Variants in KLHL8 observed in about 807,000 individuals in gnomAD.
KLHL8 encodes the protein kelch like family member 8, also known as kelch-like protein 8.
Under a neutral mutation model 63.5 loss-of-function variants are expected in KLHL8, and 38 were observed. That is an observed-to-expected ratio of 0.60 (90% CI 0.46 to 0.78). The LOEUF is 0.78. KLHL8 is among the 30% of genes least tolerant of loss of function. KLHL8 has a pLI of 0.00. For synonymous variants in KLHL8, 224 were observed against 254.3 expected, an observed-to-expected ratio of 0.88 and a Z score of 1.13; for missense variants, 566 against 752.4, an observed-to-expected ratio of 0.75 and a Z score of 2.90.
chr4:87,163,416 A>T lies in KLHL8; in HGVS notation c.*103T>A. The T allele has an allele frequency of 8.8e-7, 1 of 1,136,508 alleles. No individual in the cohort carries two copies. The highest frequency in any genetic ancestry group is 1.3e-6 in the Non-Finnish European group (1 of 791,810). The allele number at this position is 1,136,508 out of a possible 1,614,324, so 70.4% of individuals were successfully genotyped here. On this transcript the variant is annotated 3_prime_UTR_variant, in exon 10 of 10. Transcript: ENST00000273963. ...ATACAACAGTTAACATTTAAATAAG[A>T]CTCTAGTTGCAGTAAAAAGTGTTGA...
At chr4:87,172,293 G>A (rs1730664795) in intron 6 of KLHL8, among the ~76,000 whole-genome samples, 1 of 152,134 alleles carries the variant, frequency 6.6e-6, no homozygotes, top group Admixed American at 6.6e-5. Context: ...ACAAGGAACT[G>A]AATTCTATCA....
chr4:87,164,984 T>TAA (rs577999761), intron 8 of KLHL8, among the ~76,000 whole-genome samples: 1 of 151,558 alleles, frequency 6.6e-6, no homozygotes, highest in Non-Finnish European at 1.5e-5. Context: ...CCGTCTCTAC[T>TAA]AAAAATACAA....
intron 4 of KLHL8, among the ~76,000 whole-genome samples, chr4:87,179,438 T>C (rs988659782): frequency 6.6e-6 from 1 of 152,188 alleles, no homozygotes; most frequent in Non-Finnish European, 1.5e-5. Flanking sequence ...ACACCAGTAC[T>C]TCTCAAAAAC....
chr4:87,173,279 T>A (rs1697082557), intron 6 of KLHL8, among the ~76,000 whole-genome samples: 2 of 152,246 alleles, frequency 1.3e-5, no homozygotes, highest in African/African-American at 4.8e-5. Flanking sequence ...ATTGCCCTTA[T>A]GTCATTATTT....
At position 87,164,537 on chromosome 4, in the gene KLHL8, A is replaced by G. The variant is rs141532980; in HGVS notation, c.1538-458T>C. Among the ~76,000 whole-genome samples, 801 of 152,332 alleles carry G rather than the reference A, an allele frequency of 5.3e-3. 9 individuals are homozygous for G. Among genetic ancestry groups the G allele is most frequent in the African/African-American group, 0.018 (764 of 41,580 alleles). On this transcript the variant is annotated intron_variant, in intron 8 of 9. Transcript: ENST00000273963. ...TCCAGATAAAAGTTAAAGTTTTCCA[A>G]TTGTTTCCCTTAATACTATAATCGC...
chr4:87,226,748 A>T (rs368012586), intron 1 of KLHL8, among the ~76,000 whole-genome samples: 298 of 10,274 alleles, frequency 0.029, 32 homozygotes, highest in African/African-American at 0.034. Flanking sequence ...TTTATATATA[A>T]TATATATTAT....
At chr4:87,208,979 T>C (rs934378331) in intron 1 of KLHL8, among the ~76,000 whole-genome samples, 1 of 152,196 alleles carries the variant, frequency 6.6e-6, no homozygotes, top group African/African-American at 2.4e-5. Context: ...TAAAATGGTC[T>C]GTTTAAATAA....
At position 87,195,427 on chromosome 4, in the gene KLHL8, C is replaced by T; in HGVS notation, c.113G>A (p.Gly38Glu). ...TGCTTCAAAAATAAAGGAATCTTCT[C>T]CATCACCATCACTAATTGAGGATCT... ...KNRSSISDGDGEDSFIFEANE... is the reference protein window; with the variant it reads ...KNRSSISDGDEEDSFIFEANE... Residue 38 changes from glycine (G) to glutamate (E), a missense_variant, in exon 2 of 10, where the codon GGA becomes GAA. Physicochemically the swap from Gly to Glu is moderately conservative, Grantham distance 98. Coordinates refer to ENST00000273963, the MANE Select transcript of KLHL8 (RefSeq NM_020803.5). 6.2e-7 allele frequency: 1 copy of T among 1,613,738 alleles called. No individual in the cohort carries two copies.
rs533164077 is a variant in KLHL8, at chr4:87,164,945, G to A, written c.1538-866C>T. ...GGGCCGATCACGAGGTCAGGAGATC[G>A]AGACCATCCTGGCTAACACGGTGAA... On this transcript the variant is annotated intron_variant, in intron 8 of 9. Transcript: ENST00000273963. Among the ~76,000 whole-genome samples the A allele has an allele frequency of 7.0e-4, 107 of 151,962 alleles. 1 individual carries two copies. The Middle Eastern group carries it at 0.014, about 19-fold the overall frequency.
At chr4:87,236,584 G>A (rs1305813725) in intron 1 of KLHL8, among the ~76,000 whole-genome samples, 2 of 151,624 alleles carry the variant, frequency 1.3e-5, no homozygotes, top group Non-Finnish European at 2.9e-5. Context: ...GAACACTAAG[G>A]ACTGAAAATT....
upstream of KLHL8, among the ~76,000 whole-genome samples, chr4:87,223,359 A>T (rs1732918597): frequency 6.6e-6 from 1 of 152,178 alleles, no homozygotes. Flanking sequence ...GCTAATTGAC[A>T]TATACACAAT....
At chr4:87,176,384 A>T (rs1162673496) in intron 6 of KLHL8, among the ~76,000 whole-genome samples, 1 of 152,260 alleles carries the variant, frequency 6.6e-6, no homozygotes, top group Non-Finnish European at 1.5e-5. Context: ...GTCTTCAGAC[A>T]CTGCCAAGTG....
chr4:87,230,992 T>A (rs1157453193), intron 1 of KLHL8, among the ~76,000 whole-genome samples: 3 of 152,206 alleles, frequency 2.0e-5, no homozygotes, highest in African/African-American at 4.8e-5. Flanking sequence ...TGGAGAAATG[T>A]CCAGCCCTTC....
At chr4:87,189,706 T>C (rs1188285231) in intron 2 of KLHL8, among the ~76,000 whole-genome samples, 1 of 152,082 alleles carries the variant, frequency 6.6e-6, no homozygotes, top group African/African-American at 2.4e-5. Context: ...ACATTTATTT[T>C]GTAAACTATC....
At chr4:87,217,063 A>G (rs1382234729) in intron 1 of KLHL8, among the ~76,000 whole-genome samples, 1 of 152,226 alleles carries the variant, frequency 6.6e-6, no homozygotes, top group African/African-American at 2.4e-5. Context: ...TCAGAACAAT[A>G]TTATAGTCTG....
At chr4:87,179,392 T>G (rs1329445305) in intron 4 of KLHL8, among the ~76,000 whole-genome samples, 1 of 152,194 alleles carries the variant, frequency 6.6e-6, no homozygotes, top group Non-Finnish European at 1.5e-5. Context: ...CACAGTAAAC[T>G]AATGAAAAGG....
rs1229495611 is a variant in KLHL8 at position 87,183,131 on chromosome 4, T to C, written c.952+72A>G. ...GACACTAATTATATTACAACTAAGT[T>C]TGGGCACACATGAACAACCCTCAAA... On this transcript the variant is annotated intron_variant, in intron 4 of 9. Transcript: ENST00000273963. 8.4e-6 allele frequency: 9 copies of C among 1,068,220 alleles called. No individual in the cohort carries two copies. The South Asian group carries it at 1.2e-4, about 15-fold the overall frequency. 66.2% of individuals were successfully genotyped at this position (1,068,220 alleles called of 1,614,324 possible). A position where few individuals can be genotyped will look rare whatever the true frequency, so the allele number is the denominator to read the frequency against.
intron 1 of KLHL8, among the ~76,000 whole-genome samples, chr4:87,201,146 T>C (rs1264529975): frequency 3.3e-5 from 5 of 152,196 alleles, no homozygotes; most frequent in Admixed American, 6.5e-5. Flanking sequence ...AGATGTTCAA[T>C]GGGTATCATT....
chr4:87,187,281 A>C (rs1320477381), intron 2 of KLHL8, among the ~76,000 whole-genome samples: 1 of 152,080 alleles, frequency 6.6e-6, no homozygotes, highest in Admixed American at 6.6e-5. Flanking sequence ...GGTTGATCTC[A>C]AACTCCTAAG....
Sources: allele counts gnomAD v4.1 joint callset (sites outside exome capture counted in the v4.1 genomes callset), GRCh38; gene constraint gnomAD v4.1.1; transcripts MANE v1.5; gene names NCBI Gene and HGNC (gene_info 2026-07-23, HGNC 2026-07-21).